HS3ST4: variants seen among roughly 807,000 people sequenced by gnomAD.
HS3ST4 encodes heparan sulfate glucosamine 3-O-sulfotransferase 4.
HS3ST4 carries 17 observed loss-of-function variants against 29.2 expected under a neutral mutation model. The ratio of observed to expected loss-of-function variants is 0.58; its 90% CI spans 0.40 to 0.87. The LOEUF (loss-of-function observed/expected upper bound fraction) is 0.87. HS3ST4 is among the 40% of genes least tolerant of loss of function. The pLI is 0.00. For synonymous variants in HS3ST4, 314 were observed against 285.7 expected, an observed-to-expected ratio of 1.10 and a Z score of -1.00; for missense variants, 627 against 634.5, an observed-to-expected ratio of 0.99 and a Z score of 0.13.
At chr16:25,944,453 G>T (rs919331276) in intron 1 of HS3ST4, among the ~76,000 whole-genome samples, 13 of 152,324 alleles carry the variant, frequency 8.5e-5, no homozygotes, top group African/African-American at 3.1e-4. Flanking sequence ...ACCCATGAAT[G>T]CCTAAGCAAA....
chr16:26,006,403 G>A (rs2141736643), intron 1 of HS3ST4, among the ~76,000 whole-genome samples: 1 of 151,102 alleles, frequency 6.6e-6, no homozygotes, highest in South Asian at 2.1e-4. Flanking sequence ...TTTTTAAGGT[G>A]AGAGTGTAAA....
chr16:26,076,463 A>G (rs1454994465), intron 1 of HS3ST4, among the ~76,000 whole-genome samples: 2 of 152,318 alleles, frequency 1.3e-5, no homozygotes, highest in East Asian at 1.9e-4. Flanking sequence ...CCTGCAGTGA[A>G]AAAAGTGGGA....
At chr16:25,814,264 T>C (rs1438380627) in intron 1 of HS3ST4, among the ~76,000 whole-genome samples, 2 of 149,626 alleles carry the variant, frequency 1.3e-5, no homozygotes, top group African/African-American at 4.9e-5. Context: ...AGCAGAAAAT[T>C]AAACAAGAAA....
intron 1 of HS3ST4, among the ~76,000 whole-genome samples, chr16:25,845,663 TA>T (rs1967459313): frequency 2.0e-5 from 3 of 149,610 alleles, no homozygotes; most frequent in African/African-American, 7.3e-5. Flanking sequence ...ATAATAATAA[TA>T]ATAATAATAA....
chr16:25,950,820 G>C (rs556561583), intron 1 of HS3ST4, among the ~76,000 whole-genome samples: 236 of 152,234 alleles, frequency 1.6e-3, no homozygotes, highest in African/African-American at 5.5e-3. Context: ...ACCTCCGGGG[G>C]TTGTCATGAG....
At chr16:25,860,578 A>G (rs1187036444) in intron 1 of HS3ST4, among the ~76,000 whole-genome samples, 1 of 152,184 alleles carries the variant, frequency 6.6e-6, no homozygotes, top group Non-Finnish European at 1.5e-5. Flanking sequence ...AAAGATATGA[A>G]GGAACCTTAA....
intron 1 of HS3ST4, among the ~76,000 whole-genome samples, chr16:25,775,191 T>C (rs952997149): frequency 6.6e-6 from 1 of 152,164 alleles, no homozygotes; most frequent in Non-Finnish European, 1.5e-5. Context: ...TGTCGGAGGA[T>C]GGTTTGCTAA....
rs114534763 is a variant in HS3ST4, at chr16:26,047,169, G to A, written c.735-88443G>A. Among the ~76,000 whole-genome samples the A allele has an allele frequency of 6.2e-3, 945 of 152,300 alleles. 11 individuals are homozygous for A. The highest frequency in any genetic ancestry group is 0.022 in the African/African-American group (909 of 41,570). On this transcript the variant is annotated intron_variant, in intron 1 of 1. Transcript: ENST00000331351. The stretch of plus-strand genomic sequence containing the variant: ...AATTAGAGGAATGGAGGGCTAAGTT[G>A]CCATGAGCACCTCCTAACAGAGTTC...
intron 1 of HS3ST4, among the ~76,000 whole-genome samples, chr16:25,940,091 C>T (rs374545849): frequency 4.6e-5 from 7 of 152,102 alleles, no homozygotes; most frequent in African/African-American, 1.7e-4. Context: ...AGCTTTATTC[C>T]GATTACATGG....
chr16:25,976,740 T>C (rs1968947322), intron 1 of HS3ST4, among the ~76,000 whole-genome samples: 1 of 152,146 alleles, frequency 6.6e-6, no homozygotes, highest in Non-Finnish European at 1.5e-5. Flanking sequence ...GGAGTCAGAA[T>C]TGGCAAAATC....
At chr16:25,905,041 C>T (rs148251921) in intron 1 of HS3ST4, among the ~76,000 whole-genome samples, 90 of 152,216 alleles carry the variant, frequency 5.9e-4, no homozygotes, top group African/African-American at 2.0e-3. Flanking sequence ...GTTGATTTGA[C>T]GGAGGCATGG....
At chr16:25,861,966 C>A (rs1967641423) in intron 1 of HS3ST4, among the ~76,000 whole-genome samples, 2 of 152,034 alleles carry the variant, frequency 1.3e-5, no homozygotes, top group Admixed American at 6.5e-5. Flanking sequence ...AGTCCCCAAC[C>A]ATTTTGGCAC....
chr16:25,707,438 A>G (rs966619099), intron 1 of HS3ST4, among the ~76,000 whole-genome samples: 2 of 152,208 alleles, frequency 1.3e-5, no homozygotes, highest in Non-Finnish European at 2.9e-5. Context: ...AAATAACATA[A>G]TATCTATAGG....
chr16:26,108,841 G>A (rs59662569), intron 1 of HS3ST4, among the ~76,000 whole-genome samples: 1 of 152,112 alleles, frequency 6.6e-6, no homozygotes, highest in African/African-American at 2.4e-5. Flanking sequence ...AGAGTGGCTG[G>A]CATATAGTGA....
intron 1 of HS3ST4, among the ~76,000 whole-genome samples, chr16:25,907,885 A>T (rs1156592657): frequency 6.6e-6 from 1 of 152,076 alleles, no homozygotes; most frequent in Non-Finnish European, 1.5e-5. Flanking sequence ...TCTTCCTTGA[A>T]CTTTCCTTGG....
intron 1 of HS3ST4, among the ~76,000 whole-genome samples, chr16:26,066,986 TAA>T (rs551807724): frequency 6.5e-4 from 99 of 152,248 alleles, no homozygotes; most frequent in African/African-American, 2.2e-3. Flanking sequence ...CAGATACAGA[TAA>T]AGTCATATGA....
chr16:25,859,955 C>T (rs1336090277), intron 1 of HS3ST4, among the ~76,000 whole-genome samples: 2 of 152,208 alleles, frequency 1.3e-5, no homozygotes, highest in African/African-American at 4.8e-5. Flanking sequence ...GCTTCACCTC[C>T]TGTCAGATCA....
intron 1 of HS3ST4, among the ~76,000 whole-genome samples, chr16:26,009,532 G>C (rs116835086): frequency 0.02 from 2,988 of 152,292 alleles, 107 homozygotes; most frequent in African/African-American, 0.065. Flanking sequence ...ACAGTAAAGA[G>C]GCACTGCCTA....
At chr16:25,932,283 C>A (rs1968471983) in intron 1 of HS3ST4, among the ~76,000 whole-genome samples, 2 of 152,178 alleles carry the variant, frequency 1.3e-5, no homozygotes, top group African/African-American at 4.8e-5. Flanking sequence ...CACGGCACTG[C>A]AGCCTGGCTG....
Sources: allele counts gnomAD v4.1 joint callset (sites outside exome capture counted in the v4.1 genomes callset), GRCh38; gene constraint gnomAD v4.1.1; transcripts MANE v1.5; gene names NCBI Gene and HGNC (gene_info 2026-07-23, HGNC 2026-07-21).